Variants in ELAPOR2 observed in about 807,000 individuals in gnomAD.
ELAPOR2 encodes endosome/lysosome-associated apoptosis and autophagy regulator family member 2.
A neutral mutation model predicts 120.7 loss-of-function variants in ELAPOR2; 89 were observed. The observed-to-expected ratio is 0.74, with a 90% confidence interval of 0.62 to 0.88. ELAPOR2 has a LOEUF of 0.88. Ranked by LOEUF, ELAPOR2 falls within the 40% of genes least tolerant of loss-of-function variation. The pLI is 0.00. For synonymous variants in ELAPOR2, 444 were observed against 444.9 expected, an observed-to-expected ratio of 1.00 and a Z score of 0.03; for missense variants, 1,134 against 1,251.6, an observed-to-expected ratio of 0.91 and a Z score of 1.42.
intron 1 of ELAPOR2, among the ~76,000 whole-genome samples, chr7:87,023,925 G>A (rs1794151147): frequency 6.6e-6 from 1 of 152,174 alleles, no homozygotes; most frequent in African/African-American, 2.4e-5. Flanking sequence ...TGTATCCTGA[G>A]ACTTTGCTGA....
chr7:86,921,055 C>A (rs966245296), intron 10 of ELAPOR2, among the ~76,000 whole-genome samples: 2 of 152,070 alleles, frequency 1.3e-5, no homozygotes, highest in Non-Finnish European at 2.9e-5. Flanking sequence ...GTTGAAATCC[C>A]AACTGACCCT....
chr7:86,974,583 G>GTGTGTGTA (rs1430360715), intron 1 of ELAPOR2, among the ~76,000 whole-genome samples: 1 of 146,328 alleles, frequency 6.8e-6, no homozygotes, highest in Non-Finnish European at 1.5e-5. Context: ...CCCCTGTAGT[G>GTGTGTGTA]TGTGTGTGTG....
chr7:87,039,419 T>C (rs976826650), intron 1 of ELAPOR2, among the ~76,000 whole-genome samples: 1 of 152,084 alleles, frequency 6.6e-6, no homozygotes, highest in Non-Finnish European at 1.5e-5. Flanking sequence ...AAGGCTAATA[T>C]TACCCTGATA....
intron 1 of ELAPOR2, among the ~76,000 whole-genome samples, chr7:87,020,596 G>A (rs553638585): frequency 6.6e-6 from 1 of 152,206 alleles, no homozygotes; most frequent in East Asian, 1.9e-4. Flanking sequence ...ATTAGTGGTT[G>A]CCAGGAGCTG....
At chr7:86,934,485 C>T (rs888621410) in intron 8 of ELAPOR2, among the ~76,000 whole-genome samples, 15 of 151,962 alleles carry the variant, frequency 9.9e-5, no homozygotes, top group African/African-American at 3.4e-4. Context: ...TTTCAGCCCT[C>T]ATCTAGGGTG....
intron 1 of ELAPOR2, among the ~76,000 whole-genome samples, chr7:87,020,078 C>A (rs1793990845): frequency 6.6e-6 from 1 of 151,998 alleles, no homozygotes; most frequent in Admixed American, 6.6e-5. Context: ...GTAAACAGTG[C>A]AAGAAAACAA....
At chr7:86,900,331 A>G (rs1788661673) in intron 18 of ELAPOR2, among the ~76,000 whole-genome samples, 1 of 152,316 alleles carries the variant, frequency 6.6e-6, no homozygotes, top group East Asian at 1.9e-4. Flanking sequence ...GTTTTCCTAC[A>G]AATGACTTAA....
intron 18 of ELAPOR2, among the ~76,000 whole-genome samples, chr7:86,905,640 A>G (rs1788977473): frequency 6.6e-6 from 1 of 152,166 alleles, no homozygotes; most frequent in Non-Finnish European, 1.5e-5. Flanking sequence ...TGTCTCAGAA[A>G]AAAAAAAATC....
At chr7:87,032,509 G>A (rs1426972147) in intron 1 of ELAPOR2, among the ~76,000 whole-genome samples, 1 of 152,078 alleles carries the variant, frequency 6.6e-6, no homozygotes, top group African/African-American at 2.4e-5. Context: ...ACAGAAAAAG[G>A]CCATCTGTTT....
intron 1 of ELAPOR2, among the ~76,000 whole-genome samples, chr7:86,999,230 G>T (rs1422123904): frequency 4.6e-5 from 7 of 152,048 alleles, no homozygotes; most frequent in African/African-American, 1.7e-4. Flanking sequence ...CATCAAACAT[G>T]TAATCCACTT....
At position 86,953,906 on chromosome 7, in the gene ELAPOR2, G is replaced by A. The variant is rs182050232; in HGVS notation, c.311-5984C>T. On this transcript the variant is annotated intron_variant, in intron 2 of 21. Transcript: ENST00000450689. ...GTGATATTTAAAAACCCAACATCTTGAAGTCTAAACTGTAACCAAGAGGTC... is the reference window on the plus strand; with the variant it reads ...GTGATATTTAAAAACCCAACATCTTAAAGTCTAAACTGTAACCAAGAGGTC... Among the ~76,000 whole-genome samples, 15 of 152,282 alleles carry A rather than the reference G, an allele frequency of 9.9e-5. 1 individual carries two copies. Among genetic ancestry groups the A allele is most frequent in the Admixed American group, 7.2e-4 (11 of 15,294 alleles).
chr7:87,039,729 T>A (rs1584029975), intron 1 of ELAPOR2, among the ~76,000 whole-genome samples: 1 of 151,762 alleles, frequency 6.6e-6, no homozygotes, highest in Admixed American at 6.6e-5. Flanking sequence ...AAAAAAAATT[T>A]AAAAACTAGG....
chr7:86,962,557 C>T (rs1791756373), intron 2 of ELAPOR2, among the ~76,000 whole-genome samples: 1 of 152,208 alleles, frequency 6.6e-6, no homozygotes, highest in African/African-American at 2.4e-5. Context: ...GGCAGGTTAA[C>T]TCAGTGGGTA....
At chr7:86,971,107 T>TA (rs148838102) in intron 1 of ELAPOR2, among the ~76,000 whole-genome samples, 1 of 152,086 alleles carries the variant, frequency 6.6e-6, no homozygotes. Flanking sequence ...TCAATCGCTG[T>TA]AAAAAAACAG....
chr7:86,916,707 G>A (rs548550589), intron 12 of ELAPOR2, among the ~76,000 whole-genome samples: 2 of 152,138 alleles, frequency 1.3e-5, no homozygotes, highest in African/African-American at 4.8e-5. Context: ...AGGGGACCCA[G>A]GTGGTGCTGG....
intron 1 of ELAPOR2, among the ~76,000 whole-genome samples, chr7:87,046,115 A>C (rs1036746726): frequency 2.0e-5 from 3 of 152,256 alleles, no homozygotes; most frequent in African/African-American, 7.2e-5. Context: ...GTTGCAGGAT[A>C]CACAAATCAA....
At chr7:86,930,610 A>G (rs1790284573) in intron 8 of ELAPOR2, among the ~76,000 whole-genome samples, 1 of 151,936 alleles carries the variant, frequency 6.6e-6, no homozygotes, top group Non-Finnish European at 1.5e-5. Context: ...CACTAGCAAA[A>G]TCTCTGTGAT....
At chr7:86,892,587 C>T (rs1250497130) in intron 20 of ELAPOR2, among the ~76,000 whole-genome samples, 2 of 152,008 alleles carry the variant, frequency 1.3e-5, no homozygotes, top group African/African-American at 2.4e-5. Context: ...AGCATTATAT[C>T]ATTTTTAAAA....
chr7:86,994,233 A>G (rs1793049359), intron 1 of ELAPOR2, among the ~76,000 whole-genome samples: 1 of 152,228 alleles, frequency 6.6e-6, no homozygotes, highest in Admixed American at 6.5e-5. Context: ...TGAGATGCCC[A>G]CTTGAGAAAT....
Sources: gnomAD v4.1 joint callset for allele counts (sites outside exome capture counted in the v4.1 genomes callset) on GRCh38, gnomAD v4.1.1 for gene constraint, MANE v1.5 for transcripts, NCBI Gene and HGNC (gene_info 2026-07-23, HGNC 2026-07-21) for gene names.